The following NPL variants were observed in gnomAD, a reference collection of about 807,000 sequenced individuals.
NPL encodes N-acetylneuraminate lyase.
A neutral mutation model predicts 41.1 loss-of-function variants in NPL; 32 were observed. That is an observed-to-expected ratio of 0.78 (90% CI 0.59 to 1.05). The LOEUF (loss-of-function observed/expected upper bound fraction) is 1.05. Ranked by LOEUF, NPL falls within the 50% of genes least tolerant of loss-of-function variation. NPL has a pLI of 0.00. For synonymous variants in NPL, 128 were observed against 134.9 expected (o/e 0.95, Z 0.35); for missense variants, 321 against 378.4 (o/e 0.85, Z 1.26).
At chr1:182,799,413 T>A (rs1289093410) in intron 3 of NPL, among the ~76,000 whole-genome samples, 1 of 152,186 alleles carries the variant, frequency 6.6e-6, no homozygotes, top group Non-Finnish European at 1.5e-5. Flanking sequence ...AAAATTAGAA[T>A]GCTGAATGAA....
At position 182,794,400 on chromosome 1, in the gene NPL, G is replaced by T. The variant is rs777038133; in HGVS notation, c.29G>T (p.Gly10Val). 2 of 1,614,154 alleles carry T rather than the reference G, an allele frequency of 1.2e-6. No homozygotes were observed. Among genetic ancestry groups the T allele is most frequent in the Non-Finnish European group, 1.7e-6 (2 of 1,180,022 alleles). MAFPKKKLQGLVAATITPMT... is the reference protein window; with the variant it reads MAFPKKKLQVLVAATITPMT... ...GCCTTCCCAAAGAAGAAACTTCAGG[G>T]TCTTGTGGCTGCAACCATCACGCCA... The change falls in exon 3 of 13, where the codon GGT (glycine) becomes GTT (valine). Residue 10 changes from glycine (G) to valine (V), a missense_variant. Physicochemically the swap from Gly to Val is moderately radical, Grantham distance 109 (BLOSUM62 -3). Coordinates refer to ENST00000367553, the MANE Select transcript of NPL (RefSeq NM_030769.3).
At chr1:182,797,594 ATCT>A (rs1405098206) in intron 3 of NPL, among the ~76,000 whole-genome samples, 4 of 152,008 alleles carry the variant, frequency 2.6e-5, no homozygotes, top group South Asian at 2.1e-4. Context: ...TTCTACCACC[ATCT>A]TCTTCTTTCT....
chr1:182,816,902 C>A, intron 8 of NPL, 96 bp downstream of exon 8: 1 of 913,334 alleles, frequency 1.1e-6, no homozygotes, highest in Non-Finnish European at 1.7e-6. Flanking sequence ...CTACCCCATG[C>A]CCCAAAAGCA....
intron 3 of NPL, among the ~76,000 whole-genome samples, chr1:182,795,316 T>G (rs1666629245): frequency 6.6e-6 from 1 of 152,246 alleles, no homozygotes; most frequent in Non-Finnish European, 1.5e-5. Flanking sequence ...TAATGAATTA[T>G]AAGCATTAAA....
chr1:182,806,493 G>A, intron 5 of NPL: 1 of 1,536,216 alleles, frequency 6.5e-7, no homozygotes, highest in Non-Finnish European at 8.7e-7. Flanking sequence ...CTGTCTACAA[G>A]GCCAGTCCCC....
Position 182,828,880 on chromosome 1 carries a change from AG to A in NPL, c.937del (p.Asp313MetfsTer22), listed in dbSNP as rs753986143. On this transcript the variant is annotated frameshift_variant, in exon 13 of 13. Transcript: ENST00000367553. LOFTEE classifies it high-confidence loss of function. The surrounding 1 kb of genome is among the most constrained non-coding windows in gnomAD (Gnocchi z 4.0). ...GATTTCCTTTCTTTCACTGATTTAA[AG>A]GATGGAAACTTGGAAGCTGGTAGCT... ...SLDFLSFTDL[K>X]DGNLEAGS 6.2e-7 allele frequency: 1 copy of A among 1,614,228 alleles called. No individual in the cohort carries two copies. Among genetic ancestry groups the A allele is most frequent in the South Asian group, 1.1e-5 (1 of 91,086 alleles).
intron 4 of NPL, among the ~76,000 whole-genome samples, chr1:182,805,668 T>C (rs1666984512): frequency 6.6e-6 from 1 of 152,222 alleles, no homozygotes; most frequent in Admixed American, 6.5e-5. Context: ...ATTTATGAAA[T>C]ATTTATCTAA....
At chr1:182,811,800 C>A (rs573672287) in intron 5 of NPL, among the ~76,000 whole-genome samples, 9 of 152,226 alleles carry the variant, frequency 5.9e-5, no homozygotes, top group African/African-American at 1.9e-4. Flanking sequence ...TAAATGAAGT[C>A]ATTGCAGAAA....
chr1:182,800,297 G>A (rs7547544), intron 3 of NPL, among the ~76,000 whole-genome samples: 8,581 of 151,840 alleles, frequency 0.057, 403 homozygotes, highest in East Asian at 0.16. Context: ...TTAGCTGGGC[G>A]TTGTGGCACA....
chr1:182,820,934 G>T (rs1013665792), intron 10 of NPL, among the ~76,000 whole-genome samples: 1 of 152,090 alleles, frequency 6.6e-6, no homozygotes, highest in Non-Finnish European at 1.5e-5. Context: ...CCTGCTTTTT[G>T]TCCTCCATAC....
intron 12 of NPL, chr1:182,826,430 G>T (rs1478655162): frequency 6.5e-6 from 1 of 153,328 alleles, no homozygotes; most frequent in Non-Finnish European, 1.5e-5. Flanking sequence ...AATTGAATCT[G>T]CGTTAATGCA....
At chr1:182,806,617 C>T (rs952608905) in intron 5 of NPL, 26 of 1,423,030 alleles carry the variant, frequency 1.8e-5, no homozygotes, top group Admixed American at 6.4e-5. Flanking sequence ...TTGGGATGAG[C>T]GCCTGATGCT....
chr1:182,820,454 T>G (rs1302696479), intron 10 of NPL, among the ~76,000 whole-genome samples: 1 of 152,220 alleles, frequency 6.6e-6, no homozygotes, highest in Non-Finnish European at 1.5e-5. Flanking sequence ...TCAGGGGTAT[T>G]TCTACTGAGG....
At position 182,794,355 on chromosome 1, in the gene NPL, G is replaced by T. The variant is rs371973540; in HGVS notation, c.-16-1G>T. On this transcript the variant is annotated splice_acceptor_variant, in intron 2 of 12. Coordinates refer to ENST00000367553, the MANE Select transcript of NPL (RefSeq NM_030769.3). LOFTEE classifies it low-confidence loss of function (5UTR_SPLICE). ...GAGAAATTACATTGTATGTTTTCCA[G>T]ACCTACCAGCAGCTCAATGGCCTTC... 143 of 1,613,320 alleles carry T rather than the reference G, an allele frequency of 8.9e-5. No homozygotes were observed. The highest frequency in any genetic ancestry group is 1.1e-4 in the Non-Finnish European group (128 of 1,179,338).
rs1405693109 is a variant in NPL, at chr1:182,818,867, T to C, written c.653+8T>C. 1 of 1,613,644 alleles carries C rather than the reference T, an allele frequency of 6.2e-7. No homozygotes were observed. The highest frequency in any genetic ancestry group is 8.5e-7 in the Non-Finnish European group (1 of 1,179,654). On this transcript the variant is annotated splice_region_variant and intron_variant, in intron 10 of 12. Transcript: ENST00000367553. ...AACTGGAGCAGTGGGCAGGTAAGCA[T>C]GACTCATTTTTCCCAGTGGTTATAA... is the stretch of plus-strand genomic sequence containing the variant.
In NPL at chr1:182,806,680, C is replaced by T. The variant is rs1667019947; in HGVS notation, c.230+448C>T. 4.4e-6 allele frequency: 4 copies of T among 910,976 alleles called. No individual in the cohort carries two copies. The Admixed American group carries it at 1.1e-4, about 25-fold the overall frequency. The allele number at this position is 910,976 out of a possible 1,614,324, so 56.4% of individuals were successfully genotyped here. A position where few individuals can be genotyped will look rare whatever the true frequency, so the allele number is the denominator to read the frequency against. On this transcript the variant is annotated intron_variant, in intron 5 of 12. Coordinates refer to ENST00000367553, the MANE Select transcript of NPL (RefSeq NM_030769.3). ...CTCTGTGCATCCAACTCAATGTGCTCTTTTATGGTGCTTCCTCTTGCGCTG... is the reference window on the plus strand; with the variant it reads ...CTCTGTGCATCCAACTCAATGTGCTTTTTTATGGTGCTTCCTCTTGCGCTG...
intron 5 of NPL, among the ~76,000 whole-genome samples, chr1:182,810,805 A>G (rs1177115025): frequency 6.6e-6 from 1 of 152,078 alleles, no homozygotes; most frequent in Non-Finnish European, 1.5e-5. Context: ...ACCTGCATGA[A>G]CTCACATAAT....
chr1:182,794,475 T>C, intron 3 of NPL, 36 bp downstream of exon 3: 1 of 1,593,244 alleles, frequency 6.3e-7, no homozygotes, highest in Non-Finnish European at 8.6e-7. Context: ...GGATCAGTTC[T>C]CATTCAACCA....
In NPL at chr1:182,828,931, T is replaced by G. The variant is rs1248995570; in HGVS notation, c.*23T>G. On this transcript the variant is annotated 3_prime_UTR_variant, in exon 13 of 13. Coordinates refer to ENST00000367553, the MANE Select transcript of NPL (RefSeq NM_030769.3). This position sits in a 1 kb window ranked among gnomAD's most constrained non-coding sequence, Gnocchi z 4.0. ...TAGTGCCTCTCTATCAAATCAGGGT[T>G]TGCACCTTGAGACATAATCTACCTT... 6.2e-7 allele frequency: 1 copy of G among 1,613,794 alleles called. No homozygotes were observed. Among genetic ancestry groups the G allele is most frequent in the East Asian group, 2.2e-5 (1 of 44,902 alleles).
Sources: allele counts gnomAD v4.1 joint callset (sites outside exome capture counted in the v4.1 genomes callset), GRCh38; gene constraint gnomAD v4.1.1; non-coding constraint Gnocchi (gnomAD v3.1); transcripts MANE v1.5; gene names NCBI Gene and HGNC (gene_info 2026-07-23, HGNC 2026-07-21).